The following FCHSD2 variants were observed in gnomAD, a reference collection of about 807,000 sequenced individuals.
FCHSD2 encodes FCH and double SH3 domains 2.
In FCHSD2, 38 loss-of-function variants were observed where a neutral mutation model predicts 108.1. The observed-to-expected ratio is 0.35, with a 90% CI of 0.27 to 0.46. The LOEUF (loss-of-function observed/expected upper bound fraction) is 0.46, where lower values mean the gene tolerates loss of function less well. Among genes scored for constraint, FCHSD2 ranks in the 20% least tolerant of loss-of-function variants. The probability of loss-of-function intolerance (pLI) is 1.00; values close to 1 mark genes in which losing one functional copy is unlikely to be tolerated. For missense variants in FCHSD2, 751 were observed against 897.8 expected (o/e 0.84, Z 2.09); for synonymous variants, 279 against 314.7 (o/e 0.89, Z 1.20).
At chr11:73,109,685 C>G (rs1554969511) in intron 2 of FCHSD2, among the ~76,000 whole-genome samples, 1 of 152,136 alleles carries the variant, frequency 6.6e-6, no homozygotes, top group Non-Finnish European at 1.5e-5. Context: ...ACTTTGGATG[C>G]TCTTTCTTTC....
At chr11:73,018,071 G>A (rs1166912898) in intron 3 of FCHSD2, among the ~76,000 whole-genome samples, 1 of 152,150 alleles carries the variant, frequency 6.6e-6, no homozygotes, top group Non-Finnish European at 1.5e-5. Context: ...ATGAACTCAT[G>A]TATTTTAAAT....
chr11:72,843,325 G>A lies in FCHSD2; in HGVS notation c.1531C>T (p.Arg511Ter). 6.2e-7 allele frequency: 1 copy of A among 1,613,004 alleles called. No homozygotes were observed. The highest frequency in any genetic ancestry group is 8.5e-7 in the Non-Finnish European group (1 of 1,179,208). The change falls in exon 16 of 20, where the codon CGA becomes TGA. Residue 511 changes from arginine (R) to a stop codon, truncating the protein, a stop_gained. Coordinates refer to ENST00000409418, the MANE Select transcript of FCHSD2 (RefSeq NM_014824.3). LOFTEE classifies it high-confidence loss of function. ...TAACCCACTTGGCCAACTTTATTTC[G>A]AGCCTGGGTAAAAGACATGTGACAA... ...DGDMEDWVKARNKVGQVGYVP... is the reference protein window; with the variant it reads ...DGDMEDWVKA
intron 2 of FCHSD2, among the ~76,000 whole-genome samples, chr11:73,111,807 T>C (rs1860493005): frequency 6.6e-6 from 1 of 152,146 alleles, no homozygotes; most frequent in African/African-American, 2.4e-5. Flanking sequence ...AATACTACCA[T>C]AAAACCCAAT....
intron 9 of FCHSD2, among the ~76,000 whole-genome samples, 194 bp downstream of exon 9, chr11:72,921,634 C>T (rs991081530): frequency 6.6e-6 from 1 of 152,188 alleles, no homozygotes; most frequent in African/African-American, 2.4e-5. Flanking sequence ...TCTTTTTGCC[C>T]TTGGTGCCAT....
At chr11:73,113,610 G>C (rs545868115) in intron 2 of FCHSD2, among the ~76,000 whole-genome samples, 1 of 152,006 alleles carries the variant, frequency 6.6e-6, no homozygotes, top group Non-Finnish European at 1.5e-5. Flanking sequence ...GATATTTGTC[G>C]GTGTCCAGGC....
At chr11:72,857,262 TG>T (rs1861449811) in intron 13 of FCHSD2, among the ~76,000 whole-genome samples, 1 of 152,322 alleles carries the variant, frequency 6.6e-6, no homozygotes, top group South Asian at 2.1e-4. Flanking sequence ...CTCTCTTAAC[TG>T]AACTGTTACA....
At chr11:72,906,100 GTT>G (rs1277722758) in intron 9 of FCHSD2, among the ~76,000 whole-genome samples, 1 of 152,166 alleles carries the variant, frequency 6.6e-6, no homozygotes, top group Non-Finnish European at 1.5e-5. Context: ...TCCAGCATCT[GTT>G]GTTTCCTTTT....
intron 13 of FCHSD2, among the ~76,000 whole-genome samples, chr11:72,855,409 G>A (rs1413159554): frequency 1.3e-5 from 2 of 152,180 alleles, no homozygotes; most frequent in East Asian, 3.8e-4. Flanking sequence ...CCGGGAGGCG[G>A]AGGTTGCAGT....
At chr11:72,981,927 G>A (rs1857222750) in intron 8 of FCHSD2, among the ~76,000 whole-genome samples, 1 of 152,242 alleles carries the variant, frequency 6.6e-6, no homozygotes. Flanking sequence ...GTTGCAGTGA[G>A]CCATGTTCAA....
intron 6 of FCHSD2, 64 bp from the exon 7 acceptor site, chr11:72,985,180 AAATAT>A: frequency 7.8e-6 from 3 of 386,242 alleles, no homozygotes; most frequent in Non-Finnish European, 1.4e-5. Context: ...TAAAATTACT[AAATAT>A]ATTATTAAAA....
At chr11:73,060,158 C>T (rs1191944483) in intron 3 of FCHSD2, among the ~76,000 whole-genome samples, 1 of 152,200 alleles carries the variant, frequency 6.6e-6, no homozygotes, top group Non-Finnish European at 1.5e-5. Flanking sequence ...CCAATAGATT[C>T]ATTGAATGAA....
chr11:73,106,736 C>A (rs1294849938), intron 2 of FCHSD2, among the ~76,000 whole-genome samples: 2 of 152,040 alleles, frequency 1.3e-5, no homozygotes, highest in African/African-American at 4.8e-5. Context: ...CAAAAACTTA[C>A]CATTGTATCA....
chr11:72,946,475 A>G (rs1856522507), intron 8 of FCHSD2, among the ~76,000 whole-genome samples: 2 of 152,082 alleles, frequency 1.3e-5, no homozygotes, highest in Admixed American at 1.3e-4. Context: ...CAGCACACCA[A>G]CATGGCACAT....
chr11:72,862,881 A>G (rs981621554), intron 13 of FCHSD2, among the ~76,000 whole-genome samples: 3 of 152,180 alleles, frequency 2.0e-5, no homozygotes, highest in African/African-American at 2.4e-5. Flanking sequence ...GGACAAACAG[A>G]TCAATAGAAC....
At chr11:72,980,239 ATAG>A (rs775601926) in intron 8 of FCHSD2, among the ~76,000 whole-genome samples, 1 of 152,224 alleles carries the variant, frequency 6.6e-6, no homozygotes, top group Non-Finnish European at 1.5e-5. Context: ...ACTGTTAAAA[ATAG>A]TAGGAAAAGT....
intron 3 of FCHSD2, among the ~76,000 whole-genome samples, chr11:73,075,483 G>A (rs1055374399): frequency 2.0e-5 from 3 of 152,294 alleles, no homozygotes; most frequent in African/African-American, 4.8e-5. Context: ...ATTGCAAAAC[G>A]AGAATGCAAA....
intron 3 of FCHSD2, among the ~76,000 whole-genome samples, chr11:73,039,305 G>A (rs1858574075): frequency 6.6e-6 from 1 of 151,898 alleles, no homozygotes; most frequent in Non-Finnish European, 1.5e-5. Flanking sequence ...ATCACTTGAG[G>A]TCAGGAGTTG....
chr11:72,896,464 T>C (rs1855419627), intron 10 of FCHSD2, among the ~76,000 whole-genome samples: 1 of 152,216 alleles, frequency 6.6e-6, no homozygotes, highest in South Asian at 2.1e-4. Flanking sequence ...GTTCTGGTAA[T>C]GAAAGGATAG....
At chr11:72,965,720 C>T (rs192110798) in intron 8 of FCHSD2, among the ~76,000 whole-genome samples, 5 of 152,332 alleles carry the variant, frequency 3.3e-5, no homozygotes, top group Admixed American at 2.6e-4. Context: ...ATGTACACCC[C>T]TCACCCAAGA....
Sources: gnomAD v4.1 joint callset for allele counts (sites outside exome capture counted in the v4.1 genomes callset) on GRCh38, gnomAD v4.1.1 for gene constraint, MANE v1.5 for transcripts, NCBI Gene and HGNC (gene_info 2026-07-23, HGNC 2026-07-21) for gene names.